VOPP1: variants seen among roughly 807,000 people sequenced by gnomAD.
VOPP1 encodes the protein WW domain binding protein VOPP1.
A neutral mutation model predicts 23.5 loss-of-function variants in VOPP1; 8 were observed. The ratio of observed to expected loss-of-function variants is 0.34; its 90% CI spans 0.20 to 0.61. VOPP1 has a LOEUF of 0.61. VOPP1 is among the 20% of genes least tolerant of loss of function. The pLI, the probability that VOPP1 is intolerant of heterozygous loss-of-function variation, is 0.78. For synonymous variants in VOPP1, 83 were observed against 97.3 expected (o/e 0.85, Z 0.86); for missense variants, 174 against 238.1 (o/e 0.73, Z 1.77).
intron 3 of VOPP1, among the ~76,000 whole-genome samples, chr7:55,494,560 G>A (rs964804526): frequency 2.6e-5 from 4 of 152,084 alleles, no homozygotes; most frequent in Non-Finnish European, 4.4e-5. Context: ...GGCTGGAATG[G>A]AGTTACACGG....
chr7:55,539,780 G>A (rs940590732), intron 1 of VOPP1, among the ~76,000 whole-genome samples: 2 of 152,094 alleles, frequency 1.3e-5, no homozygotes, highest in Non-Finnish European at 2.9e-5. Context: ...GTAAGTGGTT[G>A]CTGAACCAAC....
At chr7:55,515,736 A>G (rs546897431) in intron 2 of VOPP1, among the ~76,000 whole-genome samples, 3 of 152,266 alleles carry the variant, frequency 2.0e-5, no homozygotes, top group East Asian at 3.9e-4. Flanking sequence ...GACAGACAGG[A>G]GCTCCCTGTC....
chr7:55,489,009 G>A (rs1166112465), intron 4 of VOPP1, among the ~76,000 whole-genome samples: 1 of 152,264 alleles, frequency 6.6e-6, no homozygotes, highest in African/African-American at 2.4e-5. Context: ...CAGATAGTCT[G>A]GGATCTGAGC....
chr7:55,436,620 G>A (rs115010753), intron 4 of VOPP1, among the ~76,000 whole-genome samples: 1,527 of 147,298 alleles, frequency 0.01, 23 homozygotes, highest in African/African-American at 0.035. Flanking sequence ...GTGCATGAGT[G>A]TGTGTGTGTG....
At chr7:55,533,000 C>T (rs192252758) in intron 1 of VOPP1, among the ~76,000 whole-genome samples, 6 of 152,276 alleles carry the variant, frequency 3.9e-5, no homozygotes, top group Admixed American at 1.3e-4. Flanking sequence ...GTCAGTTCCA[C>T]GTGCTGCCCC....
Position 55,521,082 on chromosome 7 carries a change from T to C in VOPP1, c.103A>G (p.Thr35Ala), listed in dbSNP as rs1562951978. The C allele has an allele frequency of 1.3e-6, 2 of 1,580,256 alleles. No individual in the cohort carries two copies. The highest frequency in any genetic ancestry group is 8.6e-7 in the Non-Finnish European group (1 of 1,162,012). The change falls in exon 2 of 5, where the codon ACC (threonine) becomes GCC (alanine). Residue 35 changes from threonine (T) to alanine (A), a missense_variant. Physicochemically the swap from Thr to Ala is moderately conservative, Grantham distance 58 (BLOSUM62 0). Transcript: ENST00000285279. ...HCWYFEGLYPTYYICRSYEDC... is the reference protein window; with the variant it reads ...HCWYFEGLYPAYYICRSYEDC... ...GGTGCAAATACTTACATATAATAGG[T>C]TGGATAGAGTCCTTCGAAATACCAG...
chr7:55,515,974 G>T (rs544613722), intron 2 of VOPP1: 20 of 985,480 alleles, frequency 2.0e-5, no homozygotes, highest in Non-Finnish European at 2.4e-5. Flanking sequence ...AAGCTCACAC[G>T]GTGGCCCCTG....
intron 1 of VOPP1, among the ~76,000 whole-genome samples, chr7:55,545,869 G>A (rs1326830285): frequency 6.6e-6 from 1 of 151,614 alleles, no homozygotes; most frequent in African/African-American, 2.4e-5. Context: ...AGGAGTTTGA[G>A]ACCAGCCCGG....
intron 4 of VOPP1, among the ~76,000 whole-genome samples, chr7:55,457,464 C>G (rs1791395834): frequency 6.6e-6 from 1 of 152,120 alleles, no homozygotes; most frequent in Non-Finnish European, 1.5e-5. Flanking sequence ...GATTTCCTGT[C>G]TTTTGGGTAA....
chr7:55,475,093 G>A (rs1343220248), intron 4 of VOPP1, among the ~76,000 whole-genome samples: 3 of 152,086 alleles, frequency 2.0e-5, no homozygotes, highest in Admixed American at 6.5e-5. Flanking sequence ...AGGAGGGGAC[G>A]GGTGGCAGCT....
intron 1 of VOPP1, 136 bp from the exon 2 acceptor site, chr7:55,521,266 GC>G: frequency 1.2e-6 from 1 of 859,300 alleles, no homozygotes; most frequent in South Asian, 1.8e-5. Context: ...GGCAGACAAT[GC>G]ATTACAGGGA....
intron 4 of VOPP1, among the ~76,000 whole-genome samples, chr7:55,489,654 G>T (rs1793420111): frequency 6.6e-6 from 1 of 152,126 alleles, no homozygotes. Flanking sequence ...AGTAAATATG[G>T]GCCAAGACAG....
At chr7:55,537,556 C>A in intron 1 of VOPP1, 2 of 1,535,984 alleles carry the variant, frequency 1.3e-6, no homozygotes, top group Non-Finnish European at 1.7e-6. Context: ...GCAGGCAGCG[C>A]ACCTCCTCGC....
At chr7:55,494,244 G>A (rs1793788508) in intron 3 of VOPP1, among the ~76,000 whole-genome samples, 1 of 152,180 alleles carries the variant, frequency 6.6e-6, no homozygotes, top group Non-Finnish European at 1.5e-5. Flanking sequence ...TCCCTCAGGT[G>A]GGCTCAGTGA....
chr7:55,464,068 G>A (rs1316586591), intron 4 of VOPP1, among the ~76,000 whole-genome samples: 1 of 152,176 alleles, frequency 6.6e-6, no homozygotes, highest in African/African-American at 2.4e-5. Flanking sequence ...GTACACACAG[G>A]CACAGGCTGT....
chr7:55,474,871 C>T (rs527361242), intron 4 of VOPP1, among the ~76,000 whole-genome samples: 7 of 152,180 alleles, frequency 4.6e-5, no homozygotes, highest in Non-Finnish European at 1.0e-4. Context: ...TGGGAAGATG[C>T]GGCAGGAGGT....
At chr7:55,436,647 TGG>T (rs751029643) in intron 4 of VOPP1, among the ~76,000 whole-genome samples, 3 of 150,872 alleles carry the variant, frequency 2.0e-5, no homozygotes, top group African/African-American at 7.3e-5. Context: ...TGTGCGTGCG[TGG>T]GTGTGTGTGC....
intron 2 of VOPP1, among the ~76,000 whole-genome samples, chr7:55,497,968 G>T (rs536555377): frequency 6.6e-6 from 1 of 152,214 alleles, no homozygotes; most frequent in Non-Finnish European, 1.5e-5. Context: ...GATTCCTTCC[G>T]GGAGGTGGCA....
At chr7:55,529,603 A>G (rs1796384886) in intron 1 of VOPP1, among the ~76,000 whole-genome samples, 2 of 152,228 alleles carry the variant, frequency 1.3e-5, no homozygotes, top group South Asian at 2.1e-4. Flanking sequence ...TTTATACACT[A>G]TAAAATCACC....
Sources: allele counts gnomAD v4.1 joint callset (sites outside exome capture counted in the v4.1 genomes callset), GRCh38; gene constraint gnomAD v4.1.1; transcripts MANE v1.5; gene names NCBI Gene and HGNC (gene_info 2026-07-23, HGNC 2026-07-21).